TBL1Y: variants seen among roughly 807,000 people sequenced by gnomAD.
The protein encoded by TBL1Y is transducin beta like 1 Y-linked.
Under a neutral mutation model 12.0 loss-of-function variants are expected in TBL1Y, and 15 were observed. That is an observed-to-expected ratio of 1.25 (90% confidence interval 0.83 to 1.92). The LOEUF (loss-of-function observed/expected upper bound fraction) is 1.92, where lower values mean the gene tolerates loss of function less well. Ranked by LOEUF, TBL1Y falls within the 40% of genes most tolerant of loss-of-function variation. The pLI is 0.00. For synonymous variants in TBL1Y, 53 were observed against 42.6 expected, an observed-to-expected ratio of 1.24 and a Z score of -0.95; for missense variants, 148 against 116.7, an observed-to-expected ratio of 1.27 and a Z score of -1.24.
At chrY:6,921,951 C>T in intron 2 of TBL1Y, among the ~76,000 whole-genome samples, 1 of 33,680 alleles carries the variant, frequency 3.0e-5, no homozygotes, top group Non-Finnish European at 7.4e-5. Flanking sequence ...TGAAGCCGTG[C>T]ACCCTCACGG....
At chrY:7,030,706 C>CAGAT (rs2012649511) in intron 6 of TBL1Y, among the ~76,000 whole-genome samples, 6 of 33,298 alleles carry the variant, frequency 1.8e-4, no homozygotes, top group South Asian at 6.8e-4. Context: ...ACTTATCTTT[C>CAGAT]AGATAGATAG....
intron 8 of TBL1Y, among the ~76,000 whole-genome samples, chrY:7,064,575 T>G: frequency 2.9e-5 from 1 of 33,911 alleles, no homozygotes; most frequent in Non-Finnish European, 7.3e-5. Context: ...ATCAGCTTAT[T>G]TGGTCTTTGC....
intron 8 of TBL1Y, among the ~76,000 whole-genome samples, chrY:7,066,558 G>T (rs758445771): frequency 2.9e-3 from 97 of 33,283 alleles, no homozygotes; most frequent in Non-Finnish European, 4.9e-3. Flanking sequence ...TAGAGACAAG[G>T]TTTCACCATT....
intron 3 of TBL1Y, among the ~76,000 whole-genome samples, chrY:6,988,959 A>C: frequency 3.1e-5 from 1 of 32,529 alleles, no homozygotes; most frequent in African/African-American, 1.2e-4. Context: ...CTTAATTTGC[A>C]TGTGTTTAAG....
chrY:7,011,054 A>G, intron 4 of TBL1Y, among the ~76,000 whole-genome samples: 1 of 34,659 alleles, frequency 2.9e-5, no homozygotes. Context: ...TTGTGGAAGA[A>G]GCTTGGAACA....
intron 2 of TBL1Y, among the ~76,000 whole-genome samples, chrY:6,950,451 A>G (rs2012016208): frequency 3.0e-5 from 1 of 33,684 alleles, no homozygotes; most frequent in Non-Finnish European, 7.4e-5. Flanking sequence ...TCCAAGGGAC[A>G]GATGAACTGG....
At chrY:7,047,261 G>A (rs2012763791) in intron 7 of TBL1Y, among the ~76,000 whole-genome samples, 2 of 33,759 alleles carry the variant, frequency 5.9e-5, no homozygotes, top group Admixed American at 5.4e-4. Flanking sequence ...AAAATACTCC[G>A]TAGCATAATA....
In TBL1Y at chrY:7,028,155, C is replaced by T. The variant is rs766786435; in HGVS notation, c.58+3013C>T. Among the ~76,000 whole-genome samples the T allele has an allele frequency of 3.8e-4, 13 of 33,962 alleles. No individual in the cohort carries two copies. The East Asian group carries it at 9.6e-3, about 25-fold the overall frequency. The allele number at this position is 33,962 out of a possible 37,273, so 91.1% of individuals were successfully genotyped here. ...TGATGGACAAGTTCTCCAGAGTCACCGAGCTTGTGGCCTGAGTCCTGCTTC... is the reference window on the plus strand; with the variant it reads ...TGATGGACAAGTTCTCCAGAGTCACTGAGCTTGTGGCCTGAGTCCTGCTTC... On this transcript the variant is annotated intron_variant, in intron 6 of 18. Transcript: ENST00000383032.
At chrY:7,012,833 C>T (rs951437136) in intron 4 of TBL1Y, among the ~76,000 whole-genome samples, 1 of 34,302 alleles carries the variant, frequency 2.9e-5, no homozygotes, top group African/African-American at 1.1e-4. Context: ...CAGATGGCCC[C>T]GGTACAGCTT....
intron 12 of TBL1Y, among the ~76,000 whole-genome samples, chrY:7,073,035 C>G: frequency 2.9e-5 from 1 of 34,120 alleles, no homozygotes; most frequent in African/African-American, 1.1e-4. Context: ...GAACAATGCT[C>G]AGGCTTCCAC....
At chrY:7,043,485 G>A (rs1603043047) in intron 7 of TBL1Y, among the ~76,000 whole-genome samples, 1 of 30,702 alleles carries the variant, frequency 3.3e-5, no homozygotes, top group African/African-American at 1.3e-4. Context: ...GTGATCACCC[G>A]AGGGCACTCC....
chrY:6,961,185 G>A (rs2012122801), intron 2 of TBL1Y, among the ~76,000 whole-genome samples: 1 of 33,364 alleles, frequency 3.0e-5, no homozygotes, highest in Non-Finnish European at 7.4e-5. Context: ...TAGCTGTAGC[G>A]GCTCCTGCAG....
chrY:7,091,495 G>C lies in TBL1Y; in HGVS notation c.*3G>C, dbSNP rs757638693. 1.6e-5 allele frequency: 6 copies of C among 378,020 alleles called. No individual in the cohort carries two copies. The highest frequency in any genetic ancestry group is 2.2e-5 in the Non-Finnish European group (6 of 272,595). 94.3% of individuals were successfully genotyped at this position (378,020 alleles called of 400,897 possible). ...AGGTGTGTGTTCTGGATCTGTGAAA[G>C]TAAACACAAAATATAGAAAAAAAGA... is the stretch of plus-strand genomic sequence containing the variant. On this transcript the variant is annotated 3_prime_UTR_variant, in exon 19 of 19. Coordinates refer to ENST00000383032, the MANE Select transcript of TBL1Y (RefSeq NM_033284.2).
intron 3 of TBL1Y, among the ~76,000 whole-genome samples, chrY:6,980,619 T>A: frequency 2.9e-5 from 1 of 34,006 alleles, no homozygotes; most frequent in Non-Finnish European, 7.3e-5. Flanking sequence ...CAAAGGGATG[T>A]TCCTGCTTAT....
chrY:7,041,164 G>A, intron 6 of TBL1Y, among the ~76,000 whole-genome samples: 1 of 33,834 alleles, frequency 3.0e-5, no homozygotes, highest in East Asian at 7.9e-4. Context: ...TACAAACTGA[G>A]CAATGGGAGG....
At chrY:6,925,268 AAAG>A (rs2011818497) in intron 2 of TBL1Y, among the ~76,000 whole-genome samples, 3 of 33,696 alleles carry the variant, frequency 8.9e-5, no homozygotes, top group African/African-American at 3.5e-4. Flanking sequence ...GCTCTGATAA[AAAG>A]AAGGTTGTGG....
chrY:6,981,942 C>A (rs368505939), intron 3 of TBL1Y, among the ~76,000 whole-genome samples: 1 of 32,883 alleles, frequency 3.0e-5, no homozygotes, highest in East Asian at 8.0e-4. Flanking sequence ...TCAGTAGTGC[C>A]CATTTATAAT....
At chrY:6,958,656 A>G in intron 2 of TBL1Y, among the ~76,000 whole-genome samples, 1 of 33,051 alleles carries the variant, frequency 3.0e-5, no homozygotes, top group Non-Finnish European at 7.4e-5. Context: ...GGTCAGCAAC[A>G]AACATGTGAG....
At chrY:7,064,490 T>G (rs2012956516) in intron 8 of TBL1Y, among the ~76,000 whole-genome samples, 2 of 33,542 alleles carry the variant, frequency 6.0e-5, no homozygotes, top group Non-Finnish European at 1.5e-4. Context: ...CCATGTTGAG[T>G]GTTTTTGGCC....
Sources: gnomAD v4.1 joint callset for allele counts (sites outside exome capture counted in the v4.1 genomes callset) on GRCh38, gnomAD v4.1.1 for gene constraint, MANE v1.5 for transcripts, NCBI Gene and HGNC (gene_info 2026-07-23, HGNC 2026-07-21) for gene names.